The following PCDH15 variants were observed in gnomAD, a reference collection of about 807,000 sequenced individuals.
The protein encoded by PCDH15 is protocadherin related 15.
In PCDH15, 129 loss-of-function variants were observed where a neutral mutation model predicts 178.5. The observed-to-expected ratio is 0.72, with a 90% confidence interval of 0.63 to 0.84. The LOEUF is 0.84. Among genes scored for constraint, PCDH15 ranks in the 40% least tolerant of loss-of-function variants. The pLI, the probability that PCDH15 is intolerant of heterozygous loss-of-function variation, is 0.00. For missense variants in PCDH15, 2,230 were observed against 2,099.9 expected (o/e 1.06, Z -1.21); for synonymous variants, 800 against 732.0 (o/e 1.09, Z -1.50).
intron 21 of PCDH15, among the ~76,000 whole-genome samples, chr10:53,994,418 T>C (rs762248463): frequency 5.3e-5 from 8 of 152,202 alleles, no homozygotes; most frequent in Non-Finnish European, 8.8e-5. Context: ...CTGTCTTTTC[T>C]ATAAAATTTT....
At chr10:54,998,937 A>G (rs1839719616) in intron 2 of PCDH15, among the ~76,000 whole-genome samples, 1 of 152,176 alleles carries the variant, frequency 6.6e-6, no homozygotes, top group Non-Finnish European at 1.5e-5. Flanking sequence ...CTCCGATGTA[A>G]ACTGAGTAAG....
At chr10:54,672,057 G>T (rs1026702348) in intron 1 of PCDH15, among the ~76,000 whole-genome samples, 3 of 151,936 alleles carry the variant, frequency 2.0e-5, no homozygotes, top group Admixed American at 1.3e-4. Flanking sequence ...CACATACAAG[G>T]GTTCCAGGTT....
At chr10:54,076,367 G>A (rs1322838877) in intron 17 of PCDH15, among the ~76,000 whole-genome samples, 1 of 152,058 alleles carries the variant, frequency 6.6e-6, no homozygotes, top group Non-Finnish European at 1.5e-5. Context: ...CATGAAACAT[G>A]TGTATGGAAT....
chr10:54,754,365 C>T (rs1354093691), intron 1 of PCDH15, among the ~76,000 whole-genome samples: 3 of 152,050 alleles, frequency 2.0e-5, no homozygotes, highest in East Asian at 3.9e-4. Context: ...AAGATAGACT[C>T]GTTCCATGAT....
intron 8 of PCDH15, among the ~76,000 whole-genome samples, chr10:54,286,214 C>T (rs1258148050): frequency 6.6e-6 from 1 of 152,072 alleles, no homozygotes; most frequent in Non-Finnish European, 1.5e-5. Context: ...GTTTTTACCA[C>T]AAACAAAATG....
intron 2 of PCDH15, among the ~76,000 whole-genome samples, chr10:54,660,761 C>T (rs1421455947): frequency 6.6e-6 from 1 of 152,034 alleles, no homozygotes; most frequent in Non-Finnish European, 1.5e-5. Flanking sequence ...GATAATTTGT[C>T]ACAGTCAAGT....
chr10:54,063,839 G>C (rs574526044), intron 18 of PCDH15, among the ~76,000 whole-genome samples: 55 of 152,258 alleles, frequency 3.6e-4, no homozygotes, highest in African/African-American at 1.3e-3. Context: ...GCAAACCTTA[G>C]ATTGAATCAG....
chr10:55,451,029 T>C (rs1839424969), intron 2 of PCDH15, among the ~76,000 whole-genome samples: 1 of 147,544 alleles, frequency 6.8e-6, no homozygotes, highest in African/African-American at 2.5e-5. Context: ...AACATTTACA[T>C]AGAGAATTGC....
chr10:54,273,954 T>C (rs1166845502), intron 8 of PCDH15, among the ~76,000 whole-genome samples: 1 of 152,050 alleles, frequency 6.6e-6, no homozygotes, highest in Non-Finnish European at 1.5e-5. Flanking sequence ...ACTATGCAGC[T>C]ATAAAAAAGA....
intron 3 of PCDH15, among the ~76,000 whole-genome samples, chr10:54,882,104 T>C (rs1954274826): frequency 6.6e-6 from 1 of 152,070 alleles, no homozygotes; most frequent in African/African-American, 2.4e-5. Context: ...ATTCATATGA[T>C]AGTATTTTAT....
At chr10:55,552,525 C>T (rs1842020547) in intron 2 of PCDH15, among the ~76,000 whole-genome samples, 1 of 151,188 alleles carries the variant, frequency 6.6e-6, no homozygotes, top group African/African-American at 2.4e-5. Flanking sequence ...ATAATTGTAA[C>T]CTCAATTCCT....
chr10:54,201,263 T>C (rs754971916), intron 10 of PCDH15, among the ~76,000 whole-genome samples: 1 of 152,162 alleles, frequency 6.6e-6, no homozygotes, highest in Non-Finnish European at 1.5e-5. Context: ...GTTAGTAAAC[T>C]TGAGATGAAA....
intron 8 of PCDH15, among the ~76,000 whole-genome samples, chr10:54,306,078 T>C (rs2060449967): frequency 6.6e-6 from 1 of 151,934 alleles, no homozygotes; most frequent in Admixed American, 6.6e-5. Flanking sequence ...TATTTTTCAA[T>C]GCCATTCTGA....
At chr10:55,219,275 A>C (rs973637176) in intron 1 of PCDH15, among the ~76,000 whole-genome samples, 1 of 151,884 alleles carries the variant, frequency 6.6e-6, no homozygotes, top group Non-Finnish European at 1.5e-5. Context: ...CATGATCACT[A>C]TGTATGCCTA....
chr10:54,143,339 T>C (rs2043579136), intron 14 of PCDH15, among the ~76,000 whole-genome samples: 1 of 152,206 alleles, frequency 6.6e-6, no homozygotes, highest in Admixed American at 6.6e-5. Context: ...AATTTCTTTA[T>C]CTACTGTGCC....
intron 1 of PCDH15, among the ~76,000 whole-genome samples, chr10:54,730,283 C>T (rs1286106606): frequency 6.6e-6 from 1 of 151,452 alleles, no homozygotes; most frequent in East Asian, 1.9e-4. Flanking sequence ...TTATCTTCAA[C>T]AAATTAATGC....
rs1396989070 is a variant in PCDH15, at chr10:53,803,612, T to C, written c.*2967A>G. The C allele has an allele frequency of 6.6e-6, 1 of 151,916 alleles. No homozygotes were observed. Among genetic ancestry groups the C allele is most frequent in the Non-Finnish European group, 1.5e-5 (1 of 67,868 alleles). The allele number at this position is 151,916 out of a possible 1,614,324, so 9.4% of individuals were successfully genotyped here. ...CCTACGGTTGCAATTCTATGACAAC[T>C]CTCAGAGTCTGTAATTAATGAGAAA... is the stretch of plus-strand genomic sequence containing the variant. On this transcript the variant is annotated 3_prime_UTR_variant, in exon 38 of 38. Transcript: ENST00000644397.
chr10:54,930,899 G>C (rs1051004166), intron 2 of PCDH15, among the ~76,000 whole-genome samples: 1 of 152,060 alleles, frequency 6.6e-6, no homozygotes, highest in Admixed American at 6.6e-5. Context: ...TACTAATAGA[G>C]TAACAAAACA....
intron 5 of PCDH15, 28 bp downstream of exon 5, chr10:54,369,092 G>A (rs768003029): frequency 5.0e-6 from 8 of 1,609,800 alleles, no homozygotes; most frequent in African/African-American, 1.3e-5. Flanking sequence ...CAACAGAAAG[G>A]ACAGAGAGAG....
Sources: allele counts gnomAD v4.1 joint callset (sites outside exome capture counted in the v4.1 genomes callset), GRCh38; gene constraint gnomAD v4.1.1; transcripts MANE v1.5; gene names NCBI Gene and HGNC (gene_info 2026-07-23, HGNC 2026-07-21).